IL1RAPL2: variants seen among roughly 807,000 people sequenced by gnomAD.
IL1RAPL2 encodes interleukin 1 receptor accessory protein like 2.
A neutral mutation model predicts 44.1 loss-of-function variants in IL1RAPL2; 3 were observed. The observed-to-expected ratio is 0.07, with a 90% confidence interval of 0.03 to 0.18. The LOEUF (loss-of-function observed/expected upper bound fraction) is 0.18. IL1RAPL2 is among the 10% of genes least tolerant of loss of function. The probability of loss-of-function intolerance (pLI) is 1.00; values close to 1 mark genes in which losing one functional copy is unlikely to be tolerated. For synonymous variants in IL1RAPL2, 181 were observed against 178.8 expected, an observed-to-expected ratio of 1.01 and a Z score of -0.10; for missense variants, 391 against 496.4, an observed-to-expected ratio of 0.79 and a Z score of 2.02.
intron 2 of IL1RAPL2, among the ~76,000 whole-genome samples, chrX:104,793,226 G>C: frequency 9.0e-6 from 1 of 111,253 alleles, no homozygotes; most frequent in Admixed American, 9.6e-5. Flanking sequence ...ATTCAAGTTG[G>C]GAGTGAACTA....
intron 2 of IL1RAPL2, among the ~76,000 whole-genome samples, chrX:104,703,333 C>T (rs1931309676): frequency 8.9e-6 from 1 of 112,085 alleles, no homozygotes; most frequent in African/African-American, 3.2e-5. Context: ...CTCTTTCTCA[C>T]TAGGTCTCCT....
chrX:105,195,163 A>G (rs781999187), intron 2 of IL1RAPL2, among the ~76,000 whole-genome samples: 2 of 108,974 alleles, frequency 1.8e-5, no homozygotes, highest in Non-Finnish European at 3.8e-5. Flanking sequence ...CTCTGCTGGA[A>G]TTAGGACCTG....
chrX:104,609,460 A>G (rs1277418978), intron 1 of IL1RAPL2, among the ~76,000 whole-genome samples: 1 of 111,822 alleles, frequency 8.9e-6, no homozygotes, highest in Admixed American at 9.5e-5. Context: ...AACTGGTTCC[A>G]TTCTCCTCAT....
chrX:104,996,324 T>G (rs1461939584), intron 2 of IL1RAPL2, among the ~76,000 whole-genome samples: 1 of 111,871 alleles, frequency 8.9e-6, no homozygotes, highest in East Asian at 2.8e-4. Flanking sequence ...TCCATAAGTA[T>G]GTACCAAGCA....
chrX:105,448,824 A>G (rs5962526), intron 5 of IL1RAPL2, among the ~76,000 whole-genome samples: 3,349 of 110,756 alleles, frequency 0.03, 134 homozygotes, highest in African/African-American at 0.1. Flanking sequence ...CAGTCCTGCT[A>G]TTAAAAGATT....
At chrX:105,030,110 G>A (rs1174526683) in intron 2 of IL1RAPL2, among the ~76,000 whole-genome samples, 4 of 110,521 alleles carry the variant, frequency 3.6e-5, no homozygotes, top group African/African-American at 9.9e-5. Context: ...TTTTTTTCTT[G>A]TAAATTTGTT....
At chrX:105,739,430 G>A (rs2038477892) in intron 7 of IL1RAPL2, among the ~76,000 whole-genome samples, 1 of 107,039 alleles carries the variant, frequency 9.3e-6, no homozygotes, top group Non-Finnish European at 1.9e-5. Flanking sequence ...CATGTGCCAT[G>A]CTGGTGCGCT....
intron 5 of IL1RAPL2, among the ~76,000 whole-genome samples, chrX:105,373,669 T>C (rs922999216): frequency 1.8e-5 from 2 of 111,851 alleles, no homozygotes; most frequent in Admixed American, 1.9e-4. Context: ...TTTAAGTCTT[T>C]AACCCATCTT....
chrX:105,520,639 A>C (rs1485487945), intron 6 of IL1RAPL2, among the ~76,000 whole-genome samples: 1 of 111,460 alleles, frequency 9.0e-6, no homozygotes, highest in Non-Finnish European at 1.9e-5. Context: ...CTTCATTTAT[A>C]TATAGATAGT....
At chrX:104,783,448 C>A (rs1210884005) in intron 2 of IL1RAPL2, among the ~76,000 whole-genome samples, 1 of 110,763 alleles carries the variant, frequency 9.0e-6, no homozygotes, top group Non-Finnish European at 1.9e-5. Context: ...CCCAAGGGAA[C>A]AAGAAGGTAT....
intron 2 of IL1RAPL2, among the ~76,000 whole-genome samples, chrX:104,865,391 T>C (rs989186423): frequency 1.8e-5 from 2 of 111,883 alleles, no homozygotes; most frequent in African/African-American, 6.5e-5. Context: ...TATGACCTTA[T>C]TGTTGTTATT....
intron 5 of IL1RAPL2, among the ~76,000 whole-genome samples, chrX:105,283,903 G>C (rs2034551407): frequency 9.0e-6 from 1 of 111,268 alleles, no homozygotes; most frequent in Non-Finnish European, 1.9e-5. Flanking sequence ...ATTTTCTCCA[G>C]AATTGTGAAC....
chrX:105,397,263 G>A (rs771933813), intron 5 of IL1RAPL2, among the ~76,000 whole-genome samples: 6 of 110,600 alleles, frequency 5.4e-5, no homozygotes, highest in African/African-American at 2.0e-4. Flanking sequence ...TAATACACTT[G>A]AGTCATTCTG....
intron 2 of IL1RAPL2, among the ~76,000 whole-genome samples, chrX:105,135,178 C>T (rs1468685976): frequency 1.8e-5 from 2 of 111,136 alleles, no homozygotes; most frequent in Non-Finnish European, 3.8e-5. Flanking sequence ...CATTGCCAAA[C>T]CTTGTGGAAT....
intron 2 of IL1RAPL2, among the ~76,000 whole-genome samples, chrX:104,948,133 A>G (rs866023006): frequency 2.8e-5 from 3 of 106,832 alleles, no homozygotes; most frequent in Non-Finnish European, 5.8e-5. Flanking sequence ...GGTCCTTCAC[A>G]TCCCTTGTAA....
At chrX:104,969,279 C>T (rs1052458238) in intron 2 of IL1RAPL2, among the ~76,000 whole-genome samples, 1 of 110,493 alleles carries the variant, frequency 9.1e-6, no homozygotes, top group Non-Finnish European at 1.9e-5. Flanking sequence ...AAAGAACAGG[C>T]TGTTCAATAA....
chrX:104,811,881 A>G (rs1390566650), intron 2 of IL1RAPL2, among the ~76,000 whole-genome samples: 1 of 110,931 alleles, frequency 9.0e-6, no homozygotes, highest in African/African-American at 3.3e-5. Context: ...GAGAGACTGA[A>G]CGCTGTTTGT....
At chrX:105,007,129 T>A (rs946843974) in intron 2 of IL1RAPL2, among the ~76,000 whole-genome samples, 1 of 111,489 alleles carries the variant, frequency 9.0e-6, no homozygotes, top group African/African-American at 3.2e-5. Flanking sequence ...GTGAGGGGGA[T>A]AATGAAACTG....
At chrX:105,080,996 A>T (rs1470441757) in intron 2 of IL1RAPL2, among the ~76,000 whole-genome samples, 1 of 110,945 alleles carries the variant, frequency 9.0e-6, no homozygotes, top group Non-Finnish European at 1.9e-5. Flanking sequence ...ATGGGAGTTA[A>T]CTCATGGTTT....
Sources: allele counts gnomAD v4.1 joint callset (sites outside exome capture counted in the v4.1 genomes callset), GRCh38; gene constraint gnomAD v4.1.1; transcripts MANE v1.5; gene names NCBI Gene and HGNC (gene_info 2026-07-23, HGNC 2026-07-21).